The following SYTL4 variants were observed in gnomAD, a reference collection of about 807,000 sequenced individuals.
SYTL4 encodes synaptotagmin like 4.
Under a neutral mutation model 52.7 loss-of-function variants are expected in SYTL4, and 16 were observed. The observed-to-expected ratio is 0.30, with a 90% CI of 0.21 to 0.46. The LOEUF (loss-of-function observed/expected upper bound fraction) is 0.46. SYTL4 is among the 20% of genes least tolerant of loss of function. The probability of loss-of-function intolerance (pLI) is 1.00; values close to 1 mark genes in which losing one functional copy is unlikely to be tolerated. For synonymous variants in SYTL4, 160 were observed against 186.6 expected (o/e 0.86, Z 1.16); for missense variants, 423 against 519.9 (o/e 0.81, Z 1.81).
Position 100,724,014 on chromosome X carries a change from T to TG in SYTL4, c.-240+7403dup, listed in dbSNP as rs1320867513. On this transcript the variant is annotated intron_variant, in intron 2 of 19. Transcript: ENST00000372989. ...CCAGCCGCCCCGTCCGGGAGGGAGGTGGGGGGGGTCAGCCCCCCGCCCAGC... is the reference window on the plus strand; with the variant it reads ...CCAGCCGCCCCGTCCGGGAGGGAGGTGGGGGGGGGTCAGCCCCCCGCCCAGC... Among the ~76,000 whole-genome samples the TG allele has an allele frequency of 3.5e-3, 209 of 60,160 alleles. 5 individuals carry two copies. Among genetic ancestry groups the TG allele is most frequent in the African/African-American group, 0.013 (179 of 14,302 alleles). 52.2% of individuals were successfully genotyped at this position (60,160 alleles called of 115,157 possible). A position where few individuals can be genotyped will look rare whatever the true frequency, so the allele number is the denominator to read the frequency against.
chrX:100,695,042 A>G (rs1390435595), intron 8 of SYTL4, among the ~76,000 whole-genome samples: 1 of 94,954 alleles, frequency 1.1e-5, no homozygotes, highest in Non-Finnish European at 2.1e-5. Context: ...CGCCAAAAAA[A>G]CCCAAGCAGA....
At position 100,692,461 on chromosome X, in the gene SYTL4, G is replaced by T. The variant is rs190095648; in HGVS notation, c.540-1252C>A. Reference sequence around the variant, plus strand: ...ATTATTGAATAAATGCCCTCAGTGGGACTGAGATATATCCATAAATAAGCA... The same window carrying T: ...ATTATTGAATAAATGCCCTCAGTGGTACTGAGATATATCCATAAATAAGCA... On this transcript the variant is annotated intron_variant, in intron 8 of 19. Transcript: ENST00000372989. 2.3e-4 allele frequency among the ~76,000 whole-genome samples: 26 copies of T among 111,635 alleles called. 1 individual carries two copies. In the East Asian group the frequency reaches 7.3e-3, roughly 31 times the overall value.
Position 100,690,104 on chromosome X carries a change from T to C in SYTL4, c.779A>G (p.Lys260Arg). ...AGGCCTGAGGATTTTTCTGGTGTTCTTCTTAAATATCATCTCACCCTCATC... is the reference window on the plus strand; with the variant it reads ...AGGCCTGAGGATTTTTCTGGTGTTCCTCTTAAATATCATCTCACCCTCATC... ...FVDEGEMIFK[K>R]NTRKILRPSE... Residue 260 changes from lysine to arginine, a missense_variant, in exon 11 of 20, where the codon AAG becomes AGG. Lys to Arg is a conservative substitution (Grantham distance 26). Transcript: ENST00000372989. 8.3e-7 allele frequency: 1 copy of C among 1,211,222 alleles called. No individual in the cohort carries two copies. The highest frequency in any genetic ancestry group is 1.1e-6 in the Non-Finnish European group (1 of 895,112).
At chrX:100,729,138 T>C (rs2084587023) in intron 2 of SYTL4, among the ~76,000 whole-genome samples, 2 of 110,679 alleles carry the variant, frequency 1.8e-5, no homozygotes, top group South Asian at 7.7e-4. Context: ...TAAAGCTGAG[T>C]TTTGGGCCTG....
intron 2 of SYTL4, among the ~76,000 whole-genome samples, chrX:100,718,038 A>G (rs1227834327): frequency 8.9e-6 from 1 of 112,046 alleles, no homozygotes; most frequent in African/African-American, 3.2e-5. Flanking sequence ...AAAAATGAGG[A>G]TTAATAATAA....
intron 16 of SYTL4, among the ~76,000 whole-genome samples, chrX:100,682,614 T>A (rs951328215): frequency 2.7e-5 from 3 of 109,541 alleles, no homozygotes; most frequent in Non-Finnish European, 5.7e-5. Context: ...GGCTGAGGCA[T>A]GAGAATCACT....
At position 100,675,445 on chromosome X, in the gene SYTL4, G is replaced by A. The variant is rs2083260209; in HGVS notation, c.*583C>T. On this transcript the variant is annotated 3_prime_UTR_variant, in exon 20 of 20. Coordinates refer to ENST00000372989, the MANE Select transcript of SYTL4 (RefSeq NM_001370165.1). ...GAAAAGCATTAGACCAAAGCAAGGTGGAAACTGCTTAAAAACTAGAAAAGT... is the reference window on the plus strand; with the variant it reads ...GAAAAGCATTAGACCAAAGCAAGGTAGAAACTGCTTAAAAACTAGAAAAGT... 8.9e-6 allele frequency: 1 copy of A among 112,746 alleles called. No homozygotes were observed. Among genetic ancestry groups the A allele is most frequent in the Non-Finnish European group, 1.9e-5 (1 of 53,356 alleles). 9.3% of individuals were successfully genotyped at this position (112,746 alleles called of 1,213,427 possible). A position where few individuals can be genotyped will look rare whatever the true frequency, so the allele number is the denominator to read the frequency against.
rs180923125 is a variant in SYTL4 at position 100,712,287 on chromosome X, G to A, written c.-239-7401C>T. Among the ~76,000 whole-genome samples, 13 of 111,951 alleles carry A rather than the reference G, an allele frequency of 1.2e-4. No individual in the cohort carries two copies. In the East Asian group the frequency reaches 1.4e-3, roughly 12 times the overall value. ...AATCTCTTTTAAAATATAATCGACC[G>A]TTTAAAGGAAAAATAACGATATATT... On this transcript the variant is annotated intron_variant, in intron 2 of 19. Coordinates refer to ENST00000372989, the MANE Select transcript of SYTL4 (RefSeq NM_001370165.1).
intron 13 of SYTL4, 187 bp from the exon 14 acceptor site, chrX:100,687,432 A>T (rs1464881737): frequency 2.4e-6 from 1 of 417,932 alleles, no homozygotes; most frequent in Non-Finnish European, 4.1e-6. Context: ...AAAATTGTTC[A>T]GGTGAATGAA....
intron 2 of SYTL4, among the ~76,000 whole-genome samples, chrX:100,722,418 C>T (rs1301259323): frequency 2.7e-5 from 3 of 111,583 alleles, no homozygotes; most frequent in Admixed American, 9.5e-5. Flanking sequence ...CAAACCTTGT[C>T]CCATCTTAAC....
rs771990838 is a variant in SYTL4 at position 100,702,391 on chromosome X, TC to T, written c.-70-285del. Among the ~76,000 whole-genome samples the T allele has an allele frequency of 1.3e-3, 143 of 112,125 alleles. 1 individual carries two copies. The highest frequency in any genetic ancestry group is 4.3e-3 in the African/African-American group (133 of 30,867). Reference sequence around the variant, plus strand: ...AGAACATAGAACAGCTGAGTCAATCTCCCCCTCCACCAAGTGAGTCCTCAAT... The same window carrying T: ...AGAACATAGAACAGCTGAGTCAATCTCCCCTCCACCAAGTGAGTCCTCAAT... On this transcript the variant is annotated intron_variant, in intron 4 of 19. Transcript: ENST00000372989.
chrX:100,731,941 G>C (rs1274274604), intron 1 of SYTL4, 63 bp downstream of exon 1: 1 of 110,982 alleles, frequency 9.0e-6, no homozygotes, highest in Non-Finnish European at 1.9e-5. Context: ...GCGAAAAGGA[G>C]CTGGGGGTCC....
At chrX:100,707,997 T>G (rs999581411) in intron 2 of SYTL4, among the ~76,000 whole-genome samples, 1 of 107,935 alleles carries the variant, frequency 9.3e-6, no homozygotes, top group Non-Finnish European at 1.9e-5. Context: ...AAACACCGCA[T>G]GTTCTCTCAT....
Position 100,691,095 on chromosome X carries a change from G to C in SYTL4, c.641+13C>G. The C allele has an allele frequency of 8.5e-7, 1 of 1,177,215 alleles. No individual in the cohort carries two copies. The highest frequency in any genetic ancestry group is 1.2e-6 in the Non-Finnish European group (1 of 868,578). On this transcript the variant is annotated intron_variant, in intron 9 of 19. Coordinates refer to ENST00000372989, the MANE Select transcript of SYTL4 (RefSeq NM_001370165.1). ...GGGTTGAGAGGAGATGAGGGAAATG[G>C]GGGGAACCCCACCTGGAGGTGCTAT...
intron 18 of SYTL4, 151 bp from the exon 19 acceptor site, chrX:100,678,750 G>GATTCA: frequency 2.1e-6 from 1 of 469,098 alleles, no homozygotes; most frequent in Non-Finnish European, 3.7e-6. Flanking sequence ...TGCTGAAGCA[G>GATTCA]AGTTCCCACT....
chrX:100,693,580 C>T (rs1026024363), intron 8 of SYTL4, among the ~76,000 whole-genome samples: 1 of 111,935 alleles, frequency 8.9e-6, no homozygotes, highest in Non-Finnish European at 1.9e-5. Flanking sequence ...CCTAACTAAT[C>T]CTGCTTCTTC....
intron 2 of SYTL4, among the ~76,000 whole-genome samples, chrX:100,707,669 C>T (rs914084781): frequency 2.7e-5 from 3 of 111,783 alleles, no homozygotes; most frequent in Admixed American, 9.5e-5. Flanking sequence ...TATGACTAAT[C>T]GGATACTCCC....
rs765370816 is a variant in SYTL4 at position 100,701,519 on chromosome X, G to A, written c.265C>T (p.Arg89Trp). ...TTGCTTTCCTGTATGCGGCAGTCCC[G>A]ACACACCAGGTGATTACAACCCCGA... ...TCRGCNHLVC[R>W]DCRIQESNGT... Residue 89 changes from arginine (R) to tryptophan (W), a missense_variant, in exon 6 of 20, where the codon CGG (arginine) becomes TGG (tryptophan). Arg to Trp is a moderately radical substitution (Grantham distance 101, BLOSUM62 -3). Transcript: ENST00000372989. The A allele has an allele frequency of 6.6e-6, 8 of 1,211,429 alleles. No individual in the cohort carries two copies. Among genetic ancestry groups the A allele is most frequent in the South Asian group, 3.5e-5 (2 of 56,945 alleles).
Position 100,703,095 on chromosome X carries a change from G to A in SYTL4, c.-73C>T, listed in dbSNP as rs995493414. 4.5e-5 allele frequency: 5 copies of A among 111,701 alleles called. No homozygotes were observed. Among genetic ancestry groups the A allele is most frequent in the Non-Finnish European group, 9.4e-5 (5 of 53,135 alleles). The allele number at this position is 111,701 out of a possible 1,213,427, so 9.2% of individuals were successfully genotyped here. Reference sequence around the variant, plus strand: ...TGGCTCAGCATGGAGGCTCTCACCTGTAATCCCAGCACTTTGGGAGGCTGA... The same window carrying A: ...TGGCTCAGCATGGAGGCTCTCACCTATAATCCCAGCACTTTGGGAGGCTGA... On this transcript the variant is annotated splice_region_variant and 5_prime_UTR_variant, in exon 4 of 20. Transcript: ENST00000372989.
Sources: gnomAD v4.1 joint callset for allele counts (sites outside exome capture counted in the v4.1 genomes callset) on GRCh38, gnomAD v4.1.1 for gene constraint, MANE v1.5 for transcripts, NCBI Gene and HGNC (gene_info 2026-07-23, HGNC 2026-07-21) for gene names.